CSNK1G1: variants seen among roughly 807,000 people sequenced by gnomAD.
CSNK1G1 encodes casein kinase I isoform gamma-1.
Under a neutral mutation model 59.6 loss-of-function variants are expected in CSNK1G1, and 22 were observed. The observed-to-expected ratio is 0.37, with a 90% CI of 0.26 to 0.53. CSNK1G1 has a LOEUF of 0.53. Among genes scored for constraint, CSNK1G1 ranks in the 20% least tolerant of loss-of-function variants. The pLI is 0.89. For synonymous variants in CSNK1G1, 179 were observed against 177.1 expected (o/e 1.01, Z -0.08); for missense variants, 384 against 519.5 (o/e 0.74, Z 2.54).
intron 2 of CSNK1G1, among the ~76,000 whole-genome samples, chr15:64,261,312 G>A (rs1892675438): frequency 6.6e-6 from 1 of 152,090 alleles, no homozygotes; most frequent in South Asian, 2.1e-4. Context: ...CTTAAAACTA[G>A]TTTTAGGGCC....
chr15:64,244,228 A>T (rs1451834753), intron 4 of CSNK1G1, among the ~76,000 whole-genome samples: 1 of 151,968 alleles, frequency 6.6e-6, no homozygotes, highest in Non-Finnish European at 1.5e-5. Context: ...TCCCAATAAC[A>T]AACTAGTGGA....
chr15:64,309,785 A>G (rs1957387679), intron 1 of CSNK1G1, among the ~76,000 whole-genome samples: 1 of 152,220 alleles, frequency 6.6e-6, no homozygotes. Context: ...ATGGCGTGAG[A>G]GAACATCAAA....
chr15:64,226,882 T>C (rs1353126215), intron 4 of CSNK1G1, among the ~76,000 whole-genome samples: 2 of 152,158 alleles, frequency 1.3e-5, no homozygotes, highest in African/African-American at 4.8e-5. Context: ...AAAATGAGGT[T>C]ACCCAAAGTA....
At chr15:64,287,754 G>A (rs1176154300) in intron 2 of CSNK1G1, among the ~76,000 whole-genome samples, 3 of 152,122 alleles carry the variant, frequency 2.0e-5, no homozygotes, top group African/African-American at 7.2e-5. Context: ...TTCAGTCACC[G>A]CACATTTCTA....
intron 2 of CSNK1G1, among the ~76,000 whole-genome samples, chr15:64,286,134 G>A (rs371948877): frequency 6.6e-6 from 1 of 151,964 alleles, no homozygotes; most frequent in African/African-American, 2.4e-5. Context: ...TCTCACCCCC[G>A]GACCCCAGCC....
intron 1 of CSNK1G1, among the ~76,000 whole-genome samples, chr15:64,351,845 C>A (rs1197479561): frequency 6.6e-6 from 1 of 152,144 alleles, no homozygotes; most frequent in Non-Finnish European, 1.5e-5. Context: ...GGCACTCCAG[C>A]CTGGGTAACA....
chr15:64,320,648 C>T (rs999247784), intron 1 of CSNK1G1, among the ~76,000 whole-genome samples: 1 of 140,116 alleles, frequency 7.1e-6, no homozygotes, highest in African/African-American at 2.7e-5. Context: ...CAATGTACTC[C>T]AGCCTGGGTG....
Position 64,165,984 on chromosome 15 carries a change from A to G in CSNK1G1, c.*5947T>C, listed in dbSNP as rs1405049041. The G allele has an allele frequency of 4.5e-6, 3 of 665,606 alleles. No homozygotes were observed. The highest frequency in any genetic ancestry group is 8.1e-6 in the Non-Finnish European group (3 of 371,978). The allele number at this position is 665,606 out of a possible 1,614,324, so 41.2% of individuals were successfully genotyped here. Reference sequence around the variant, plus strand: ...CTCTCCTGGAGGAACCATTTCAAATACACTTGAAATTGACATTCATGTTTA... The same window carrying G: ...CTCTCCTGGAGGAACCATTTCAAATGCACTTGAAATTGACATTCATGTTTA... On this transcript the variant is annotated 3_prime_UTR_variant, in exon 12 of 12. Coordinates refer to ENST00000303052, the MANE Select transcript of CSNK1G1 (RefSeq NM_022048.5).
chr15:64,307,947 A>G (rs1281069208), intron 1 of CSNK1G1, among the ~76,000 whole-genome samples: 5 of 152,000 alleles, frequency 3.3e-5, no homozygotes, highest in Non-Finnish European at 5.9e-5. Context: ...CAGCCTCCCA[A>G]AGTGCTGGGA....
intron 2 of CSNK1G1, among the ~76,000 whole-genome samples, chr15:64,290,088 G>A (rs1345608431): frequency 6.6e-6 from 1 of 152,110 alleles, no homozygotes; most frequent in Non-Finnish European, 1.5e-5. Flanking sequence ...GCAGAGAAGA[G>A]AGAACACTTA....
intron 10 of CSNK1G1, among the ~76,000 whole-genome samples, chr15:64,194,497 CTCTTCTTT>C (rs1328289205): frequency 1.3e-5 from 2 of 149,356 alleles, no homozygotes; most frequent in African/African-American, 5.0e-5. Context: ...TTTTCTTTTT[CTCTTCTTT>C]TCTTTTCTTT....
Position 64,167,699 on chromosome 15 carries a change from C to G in CSNK1G1, c.*4232G>C, listed in dbSNP as rs974789377. 1.2e-4 allele frequency: 19 copies of G among 152,582 alleles called. No homozygotes were observed. The highest frequency in any genetic ancestry group is 4.6e-4 in the African/African-American group (19 of 41,412). The allele number at this position is 152,582 out of a possible 1,614,324, so 9.5% of individuals were successfully genotyped here. On this transcript the variant is annotated 3_prime_UTR_variant, in exon 12 of 12. Transcript: ENST00000303052. ...TGGAGACAATGTTGTTAGGGCAACTCAATGGGAATGGAGAGCTGGTTTAAA... is the reference window on the plus strand; with the variant it reads ...TGGAGACAATGTTGTTAGGGCAACTGAATGGGAATGGAGAGCTGGTTTAAA...
intron 2 of CSNK1G1, among the ~76,000 whole-genome samples, chr15:64,273,478 T>C (rs914867834): frequency 1.1e-4 from 16 of 152,124 alleles, no homozygotes; most frequent in African/African-American, 3.6e-4. Flanking sequence ...GCTAGATAAG[T>C]CTAATTTTTA....
chr15:64,216,197 C>T lies in CSNK1G1; in HGVS notation c.444+365G>A, dbSNP rs924920830. Reference sequence around the variant, plus strand: ...CTATGATCATGCTACTGTACTCTAGCCTGGGTGACAGAGACCCTGTCTCAA... The same window carrying T: ...CTATGATCATGCTACTGTACTCTAGTCTGGGTGACAGAGACCCTGTCTCAA... On this transcript the variant is annotated intron_variant, in intron 5 of 11. Transcript: ENST00000303052. The surrounding 1 kb of genome is among the most constrained non-coding windows in gnomAD (Gnocchi z 4.6). Among the ~76,000 whole-genome samples, 8 of 151,974 alleles carry T rather than the reference C, an allele frequency of 5.3e-5. No homozygotes were observed. Among genetic ancestry groups the T allele is most frequent in the Admixed American group, 5.3e-4 (8 of 15,238 alleles).
At chr15:64,240,908 T>C (rs1394021800) in intron 4 of CSNK1G1, among the ~76,000 whole-genome samples, 1 of 152,090 alleles carries the variant, frequency 6.6e-6, no homozygotes, top group Non-Finnish European at 1.5e-5. Context: ...AATCAAACCG[T>C]ATCACTACAG....
intron 2 of CSNK1G1, among the ~76,000 whole-genome samples, chr15:64,275,948 T>C (rs1893588760): frequency 6.6e-6 from 1 of 152,218 alleles, no homozygotes; most frequent in Non-Finnish European, 1.5e-5. Context: ...TTATTTCATT[T>C]TGCAATGAAA....
chr15:64,353,020 C>T (rs1028563584), intron 1 of CSNK1G1, among the ~76,000 whole-genome samples: 4 of 151,910 alleles, frequency 2.6e-5, no homozygotes, highest in East Asian at 2.0e-4. Flanking sequence ...ACTTAGCAGG[C>T]GGAGATTGCA....
intron 1 of CSNK1G1, among the ~76,000 whole-genome samples, 198 bp from the exon 2 acceptor site, chr15:64,300,921 C>A (rs1895294961): frequency 6.6e-6 from 1 of 152,124 alleles, no homozygotes; most frequent in Non-Finnish European, 1.5e-5. Flanking sequence ...CAGTAGGCTG[C>A]AAACCATAGA....
At chr15:64,295,303 C>G (rs1894962790) in intron 2 of CSNK1G1, among the ~76,000 whole-genome samples, 2 of 152,094 alleles carry the variant, frequency 1.3e-5, no homozygotes, top group Admixed American at 1.3e-4. Context: ...AGGTCATCAC[C>G]AAGGTCTGAT....
Sources: allele counts gnomAD v4.1 joint callset (sites outside exome capture counted in the v4.1 genomes callset), GRCh38; gene constraint gnomAD v4.1.1; non-coding constraint Gnocchi (gnomAD v3.1); transcripts MANE v1.5; gene names NCBI Gene and HGNC (gene_info 2026-07-23, HGNC 2026-07-21).